The following CUBN variants were observed in gnomAD, a reference collection of about 807,000 sequenced individuals.
The protein encoded by CUBN is 460 kDa receptor.
In CUBN, 282 loss-of-function variants were observed where a neutral mutation model predicts 405.3. The ratio of observed to expected loss-of-function variants is 0.70; its 90% CI spans 0.63 to 0.77. The LOEUF (loss-of-function observed/expected upper bound fraction) is 0.77, where lower values mean the gene tolerates loss of function less well. Among genes scored for constraint, CUBN ranks in the 30% least tolerant of loss-of-function variants. The pLI is 0.00. For synonymous variants in CUBN, 1,684 were observed against 1,617.0 expected (o/e 1.04, Z -0.99); for missense variants, 4,514 against 4,475.2 (o/e 1.01, Z -0.25).
At position 16,947,256 on chromosome 10, in the gene CUBN, T is replaced by C. The variant is rs767121990; in HGVS notation, c.5321A>G (p.Asn1774Ser). 1.2e-6 allele frequency: 2 copies of C among 1,614,156 alleles called. No homozygotes were observed. The highest frequency in any genetic ancestry group is 1.1e-5 in the South Asian group (1 of 91,084). The change falls in exon 36 of 67, where the codon AAC (asparagine) becomes AGC (serine). Residue 1774 changes from asparagine to serine, a missense_variant. Asn to Ser is a conservative substitution (Grantham distance 46). Coordinates refer to ENST00000377833, the MANE Select transcript of CUBN (RefSeq NM_001081.4). ...CVWNIVSSPGNRLQLSFISFQ... is the reference protein window; with the variant it reads ...CVWNIVSSPGSRLQLSFISFQ... ...TTACATAAAAGACAGCTGGAGCCGG[T>C]TGCCAGGGGAACTGACGATGTTCCA...
chr10:17,049,629 T>C (rs189092332), intron 22 of CUBN, among the ~76,000 whole-genome samples: 27 of 152,300 alleles, frequency 1.8e-4, no homozygotes, highest in Non-Finnish European at 3.2e-4. Context: ...TCTTTTCTGT[T>C]GCTGGCACAA....
In CUBN at chr10:16,890,504, C is replaced by T. The variant is rs1402283958; in HGVS notation, c.8622G>A (p.Val2874=). 6.2e-7 allele frequency: 1 copy of T among 1,614,158 alleles called. No homozygotes were observed. Among genetic ancestry groups the T allele is most frequent in the Non-Finnish European group, 8.5e-7 (1 of 1,180,024 alleles). ...AGCCAGTGGCTAGCAGGGCTTTGTC[C>T]ACCTCCTCAGTTCCTGCCCACACCT... ...FVKVWAGTEE[V]DKALLATGCG... The change falls in exon 55 of 67, where the codon GTG becomes GTA. Residue 2874 remains valine, a synonymous_variant. Coordinates refer to ENST00000377833, the MANE Select transcript of CUBN (RefSeq NM_001081.4).
intron 62 of CUBN, among the ~76,000 whole-genome samples, chr10:16,838,230 T>C (rs1839233199): frequency 6.6e-6 from 1 of 152,122 alleles, no homozygotes; most frequent in South Asian, 2.1e-4. Context: ...CAACCTGGAC[T>C]TTTCTTTCCC....
chr10:16,864,713 C>CA (rs1840118903), intron 59 of CUBN, among the ~76,000 whole-genome samples: 1 of 144,866 alleles, frequency 6.9e-6, no homozygotes, highest in East Asian at 2.0e-4. Context: ...AGGCTGGGCA[C>CA]AATCTTGGCT....
Position 16,876,928 on chromosome 10 carries a change from G to C in CUBN, c.9075C>G (p.Asp3025Glu). The change falls in exon 57 of 67, where the codon GAC becomes GAG. Residue 3025 changes from aspartate (D) to glutamate (E), a missense_variant. Around this residue, in one of 5 missense-constraint regions of CUBN, gnomAD observed 1,186 missense variants for 1,186.9 expected, o/e 1.00. Transcript: ENST00000377833. The stretch of plus-strand genomic sequence containing the variant: ...TCCTATAGGAAAACTTGAATCCGAA[G>C]TCTGTGATTTGCTCGTTGGAGTAGA... Reference protein sequence around the residue: ...LNFYSNEQITDFGFKFSYRII... With the variant: ...LNFYSNEQITEFGFKFSYRII... 1 of 1,614,162 alleles carries C rather than the reference G, an allele frequency of 6.2e-7. No individual in the cohort carries two copies. Among genetic ancestry groups the C allele is most frequent in the Non-Finnish European group, 8.5e-7 (1 of 1,180,026 alleles).
rs140249265 is a variant in CUBN, at chr10:16,878,261, C to T, written c.8906-1164G>A. Reference sequence around the variant, plus strand: ...TGAGATCGCGCCACTTCACTCCAGCCTGGGTGATAGCACAAGACTCCATCT... The same window carrying T: ...TGAGATCGCGCCACTTCACTCCAGCTTGGGTGATAGCACAAGACTCCATCT... On this transcript the variant is annotated intron_variant, in intron 56 of 66. Transcript: ENST00000377833. Among the ~76,000 whole-genome samples the T allele has an allele frequency of 2.1e-3, 317 of 152,226 alleles. 1 individual carries two copies. Among genetic ancestry groups the T allele is most frequent in the African/African-American group, 7.4e-3 (306 of 41,532 alleles).
In CUBN at chr10:16,869,015, C is replaced by T. The variant is rs73592317; in HGVS notation, c.9454+621G>A. Among the ~76,000 whole-genome samples the T allele has an allele frequency of 8.5e-5, 13 of 152,128 alleles. 1 individual carries two copies. The East Asian group carries it at 1.9e-3, about 23-fold the overall frequency. On this transcript the variant is annotated intron_variant, in intron 59 of 66. Coordinates refer to ENST00000377833, the MANE Select transcript of CUBN (RefSeq NM_001081.4). ...TGTGCTTCCAATGTATTCTGCCTTC[C>T]GTCTCTCAGATTTCTGCCCTTCCCT...
At chr10:16,969,587 T>A (rs971368196) in intron 31 of CUBN, among the ~76,000 whole-genome samples, 1 of 152,200 alleles carries the variant, frequency 6.6e-6, no homozygotes, top group Admixed American at 6.5e-5. Context: ...TCTCTAGACC[T>A]CATGATCCGC....
intron 31 of CUBN, among the ~76,000 whole-genome samples, chr10:16,961,087 T>C (rs1843204710): frequency 6.6e-6 from 1 of 152,210 alleles, no homozygotes; most frequent in Non-Finnish European, 1.5e-5. Context: ...ATAATTGTTA[T>C]TTTTGTAGTC....
At chr10:16,946,490 CTTT>C (rs775415655) in intron 36 of CUBN, among the ~76,000 whole-genome samples, 108 of 121,028 alleles carry the variant, frequency 8.9e-4, no homozygotes, top group African/African-American at 3.2e-3. Context: ...AAAACCATTC[CTTT>C]TTTTTTTTTT....
At chr10:17,041,493 T>C (rs889835732) in intron 26 of CUBN, among the ~76,000 whole-genome samples, 3 of 152,030 alleles carry the variant, frequency 2.0e-5, no homozygotes, top group African/African-American at 7.2e-5. Context: ...GAAAATTAAA[T>C]AGTCATGTTA....
intron 4 of CUBN, 110 bp downstream of exon 4, chr10:17,126,651 G>A (rs1201066817): frequency 1.4e-5 from 18 of 1,241,864 alleles, no homozygotes; most frequent in Non-Finnish European, 1.8e-5. Context: ...GAAAAAGCAA[G>A]TTTTTAATAT....
intron 51 of CUBN, among the ~76,000 whole-genome samples, chr10:16,903,671 A>G (rs1003384983): frequency 2.7e-4 from 40 of 147,766 alleles, no homozygotes; most frequent in African/African-American, 9.8e-4. Context: ...ATTTATTATT[A>G]TTAATTATTA....
chr10:17,001,355 T>A (rs922331713), intron 28 of CUBN, among the ~76,000 whole-genome samples: 3 of 152,216 alleles, frequency 2.0e-5, no homozygotes, highest in Non-Finnish European at 4.4e-5. Context: ...CCCGCCCACA[T>A]CCTGCTGATT....
At chr10:17,060,822 G>A (rs4747296) in intron 22 of CUBN, among the ~76,000 whole-genome samples, 64,115 of 151,866 alleles carry the variant, frequency 0.42, 16,148 homozygotes, top group East Asian at 0.66. Flanking sequence ...AGGCTGAGGC[G>A]GGGGGATCAC....
intron 48 of CUBN, among the ~76,000 whole-genome samples, chr10:16,910,306 C>T (rs1378232569): frequency 6.6e-6 from 1 of 151,916 alleles, no homozygotes. Flanking sequence ...CTCTTTTCGG[C>T]AAGTTCTCAA....
At chr10:17,007,688 G>A (rs1834064728) in intron 28 of CUBN, among the ~76,000 whole-genome samples, 1 of 152,152 alleles carries the variant, frequency 6.6e-6, no homozygotes, top group Non-Finnish European at 1.5e-5. Flanking sequence ...GAGGCTAGGA[G>A]TTTAAAGCCA....
chr10:16,977,540 T>C (rs1241570312), intron 31 of CUBN, among the ~76,000 whole-genome samples: 1 of 152,092 alleles, frequency 6.6e-6, no homozygotes, highest in Non-Finnish European at 1.5e-5. Context: ...TCCCCATCCA[T>C]CCCACTGGGA....
chr10:16,892,162 C>T (rs12267503), intron 54 of CUBN, among the ~76,000 whole-genome samples: 1 of 152,188 alleles, frequency 6.6e-6, no homozygotes, highest in Non-Finnish European at 1.5e-5. Flanking sequence ...ATTCTCAGCT[C>T]TTTAAAGCCG....
Sources: allele counts gnomAD v4.1 joint callset (sites outside exome capture counted in the v4.1 genomes callset), GRCh38; gene constraint gnomAD v4.1.1; regional missense constraint gnomAD v4.1.1; transcripts MANE v1.5; gene names NCBI Gene and HGNC (gene_info 2026-07-23, HGNC 2026-07-21).